The following DAB1 variants were observed in gnomAD, a reference collection of about 807,000 sequenced individuals.
DAB1 encodes DAB adaptor protein 1.
A neutral mutation model predicts 64.6 loss-of-function variants in DAB1; 15 were observed. The observed-to-expected ratio is 0.23, with a 90% CI of 0.16 to 0.36. DAB1 has a LOEUF of 0.36. Among genes scored for constraint, DAB1 ranks in the 10% least tolerant of loss-of-function variants. The pLI, the probability that DAB1 is intolerant of heterozygous loss-of-function variation, is 1.00. For missense variants in DAB1, 596 were observed against 706.7 expected, an observed-to-expected ratio of 0.84 and a Z score of 1.78; for synonymous variants, 235 against 251.9, an observed-to-expected ratio of 0.93 and a Z score of 0.64.
intron 3 of DAB1, among the ~76,000 whole-genome samples, chr1:58,434,579 T>G (rs1644920804): frequency 6.6e-6 from 1 of 152,156 alleles, no homozygotes; most frequent in African/African-American, 2.4e-5. Context: ...GTCTTGGGTT[T>G]AAGAAAGAGA....
chr1:57,477,281 C>A (rs1332401828), intron 7 of DAB1, among the ~76,000 whole-genome samples: 1 of 152,156 alleles, frequency 6.6e-6, no homozygotes, highest in African/African-American at 2.4e-5. Context: ...CACTCACATG[C>A]ACACACAGAC....
intron 2 of DAB1, among the ~76,000 whole-genome samples, chr1:57,224,799 A>G (rs1667136443): frequency 6.6e-6 from 1 of 152,196 alleles, no homozygotes. Context: ...GGGCCCTGAG[A>G]GAGCTTCAGG....
chr1:57,611,410 A>G (rs969705579), intron 7 of DAB1, among the ~76,000 whole-genome samples: 3 of 152,346 alleles, frequency 2.0e-5, no homozygotes, highest in African/African-American at 7.2e-5. Flanking sequence ...GAATAAAAAC[A>G]TAAGGCAAAG....
At chr1:58,340,267 C>A (rs1047677802) in intron 4 of DAB1, among the ~76,000 whole-genome samples, 1 of 152,084 alleles carries the variant, frequency 6.6e-6, no homozygotes, top group Admixed American at 6.6e-5. Context: ...TTCTATTGTT[C>A]TTTATTAGGT....
chr1:58,455,512 G>A (rs1335134998), intron 3 of DAB1, among the ~76,000 whole-genome samples: 2 of 152,282 alleles, frequency 1.3e-5, no homozygotes, highest in Non-Finnish European at 2.9e-5. Context: ...GAGGCGGAGA[G>A]AGGGGTGAGG....
At chr1:57,729,685 G>A (rs1269754584) in intron 6 of DAB1, among the ~76,000 whole-genome samples, 5 of 152,216 alleles carry the variant, frequency 3.3e-5, no homozygotes, top group Non-Finnish European at 2.9e-5. Flanking sequence ...ATCCCTGCCT[G>A]TATTATTTCT....
At chr1:57,996,293 T>C (rs949321555) in intron 5 of DAB1, among the ~76,000 whole-genome samples, 2 of 152,078 alleles carry the variant, frequency 1.3e-5, no homozygotes, top group African/African-American at 4.8e-5. Context: ...ATCTTCCCCA[T>C]TCAGAATTGT....
At chr1:58,531,250 A>T (rs1246728829) in intron 1 of DAB1, among the ~76,000 whole-genome samples, 2 of 152,198 alleles carry the variant, frequency 1.3e-5, no homozygotes, top group African/African-American at 2.4e-5. Context: ...ACAAGAAAAA[A>T]TTCAGAAAAA....
chr1:57,638,776 A>G (rs558198843), intron 7 of DAB1, among the ~76,000 whole-genome samples: 1 of 151,738 alleles, frequency 6.6e-6, no homozygotes. Flanking sequence ...AATGGTATGG[A>G]AAGAGTTGGA....
At chr1:57,820,707 A>G (rs1446572384) in intron 6 of DAB1, among the ~76,000 whole-genome samples, 1 of 152,206 alleles carries the variant, frequency 6.6e-6, no homozygotes, top group East Asian at 1.9e-4. Flanking sequence ...CCTCTTTGCC[A>G]TACATCTATC....
intron 14 of DAB1, among the ~76,000 whole-genome samples, chr1:57,007,107 G>A (rs1646101403): frequency 1.3e-5 from 2 of 151,156 alleles, no homozygotes; most frequent in African/African-American, 4.9e-5. Context: ...CTTTTCCCTT[G>A]AACACTAGAA....
At chr1:57,002,002 G>A (rs1645886786) in intron 14 of DAB1, among the ~76,000 whole-genome samples, 1 of 152,148 alleles carries the variant, frequency 6.6e-6, no homozygotes, top group South Asian at 2.1e-4. Context: ...GAACATGGGA[G>A]GTGCATCCAC....
At chr1:58,227,258 A>G (rs148266363) in intron 4 of DAB1, among the ~76,000 whole-genome samples, 8 of 152,356 alleles carry the variant, frequency 5.3e-5, no homozygotes, top group Non-Finnish European at 7.3e-5. Flanking sequence ...TAGGATTCCA[A>G]TCACAAAGGT....
chr1:57,317,306 C>G (rs1675296796), intron 1 of DAB1, among the ~76,000 whole-genome samples: 1 of 152,198 alleles, frequency 6.6e-6, no homozygotes, highest in South Asian at 2.1e-4. Flanking sequence ...TGATTGCAGT[C>G]TTGTGAGAGG....
intron 7 of DAB1, chr1:57,605,975 C>A: frequency 1.5e-6 from 1 of 681,620 alleles, no homozygotes; most frequent in Non-Finnish European, 2.7e-6. Context: ...TGGAAACGAC[C>A]TCATGTCTTA....
chr1:58,389,364 G>A (rs1644458929), intron 3 of DAB1, among the ~76,000 whole-genome samples: 3 of 152,276 alleles, frequency 2.0e-5, no homozygotes, highest in South Asian at 4.1e-4. Context: ...CTTCAGCCCA[G>A]GAGATCCAAG....
intron 4 of DAB1, among the ~76,000 whole-genome samples, chr1:58,157,653 C>T (rs984978739): frequency 2.0e-5 from 3 of 152,054 alleles, no homozygotes; most frequent in African/African-American, 4.8e-5. Flanking sequence ...GGGCAGTGAT[C>T]GATTCAGAGC....
intron 5 of DAB1, among the ~76,000 whole-genome samples, chr1:58,125,359 T>C (rs1013044049): frequency 6.6e-6 from 1 of 152,168 alleles, no homozygotes; most frequent in Non-Finnish European, 1.5e-5. Flanking sequence ...TTTCATTCAT[T>C]TAAGAAATCT....
intron 1 of DAB1, among the ~76,000 whole-genome samples, chr1:57,847,515 G>A (rs1051403980): frequency 6.6e-6 from 1 of 151,920 alleles, no homozygotes; most frequent in Admixed American, 6.6e-5. Context: ...AAAGACAAAC[G>A]GTAAAAGAAA....
Sources: allele counts gnomAD v4.1 joint callset (sites outside exome capture counted in the v4.1 genomes callset), GRCh38; gene constraint gnomAD v4.1.1; transcripts MANE v1.5; gene names NCBI Gene and HGNC (gene_info 2026-07-23, HGNC 2026-07-21).